Variants in GRIP1 observed in about 807,000 individuals in gnomAD.
GRIP1 encodes the protein glutamate receptor interacting protein 1.
A neutral mutation model predicts 129.9 loss-of-function variants in GRIP1; 45 were observed. The ratio of observed to expected loss-of-function variants is 0.35; its 90% CI spans 0.27 to 0.44. The LOEUF is 0.44. Ranked by LOEUF, GRIP1 falls within the 20% of genes least tolerant of loss-of-function variation. The pLI is 1.00. For missense variants in GRIP1, 1,196 were observed against 1,396.8 expected (o/e 0.86, Z 2.29); for synonymous variants, 530 against 520.8 (o/e 1.02, Z -0.24).
chr12:66,887,187 T>G (rs982537128), intron 1 of GRIP1, among the ~76,000 whole-genome samples: 22 of 152,246 alleles, frequency 1.4e-4, no homozygotes, highest in African/African-American at 3.6e-4. Flanking sequence ...TGGCTTTGCC[T>G]TAGGAGTAAA....
intron 1 of GRIP1, among the ~76,000 whole-genome samples, chr12:66,872,952 G>T (rs1485356488): frequency 2.0e-5 from 3 of 152,080 alleles, no homozygotes. Context: ...AAGAATTGAA[G>T]AGTGACTTAT....
At chr12:66,809,164 G>T (rs531221434), upstream of GRIP1, among the ~76,000 whole-genome samples, 3 of 152,284 alleles carry the variant, frequency 2.0e-5, no homozygotes, top group East Asian at 5.8e-4. Flanking sequence ...GTAGGCAATT[G>T]CCTATATAGC....
At chr12:66,948,748 GAGA>G (rs2041709626) in intron 1 of GRIP1, among the ~76,000 whole-genome samples, 3 of 152,136 alleles carry the variant, frequency 2.0e-5, no homozygotes, top group Non-Finnish European at 4.4e-5. Flanking sequence ...AATGGAAGAA[GAGA>G]AAGAAAAAGG....
At chr12:66,520,701 G>A (rs1233100915) in intron 5 of GRIP1, among the ~76,000 whole-genome samples, 1 of 152,142 alleles carries the variant, frequency 6.6e-6, no homozygotes, top group Admixed American at 6.6e-5. Context: ...GTTGTCTTGA[G>A]GTGGTTGTGC....
At chr12:66,636,093 G>T (rs912988360) in intron 1 of GRIP1, among the ~76,000 whole-genome samples, 1 of 152,146 alleles carries the variant, frequency 6.6e-6, no homozygotes, top group Non-Finnish European at 1.5e-5. Flanking sequence ...AAGGAAGAAA[G>T]TCTTGTCACA....
intron 1 of GRIP1, among the ~76,000 whole-genome samples, chr12:66,833,313 G>A (rs2039551679): frequency 6.6e-6 from 1 of 152,148 alleles, no homozygotes; most frequent in Admixed American, 6.5e-5. Flanking sequence ...GCATGAGGTT[G>A]AATTTGCTTT....
At chr12:66,681,553 T>C (rs1016589230), upstream of GRIP1, among the ~76,000 whole-genome samples, 2 of 152,150 alleles carry the variant, frequency 1.3e-5, no homozygotes, top group African/African-American at 4.8e-5. Context: ...ACCAGATCAA[T>C]GTAAGCATGT....
intron 14 of GRIP1, among the ~76,000 whole-genome samples, chr12:66,422,276 C>T (rs150131337): frequency 6.6e-6 from 1 of 152,292 alleles, no homozygotes; most frequent in Non-Finnish European, 1.5e-5. Context: ...GCTAATGGGA[C>T]TTCATTTAAT....
At chr12:66,398,182 T>C (rs2056864426) in intron 16 of GRIP1, among the ~76,000 whole-genome samples, 1 of 152,198 alleles carries the variant, frequency 6.6e-6, no homozygotes, top group African/African-American at 2.4e-5. Flanking sequence ...CCCACTTCTA[T>C]TTTCACCAAT....
At chr12:66,569,287 G>T (rs2062872873) in intron 2 of GRIP1, 1 of 162,332 alleles carries the variant, frequency 6.2e-6, no homozygotes. Context: ...GACCAGCCTG[G>T]CCAAGACAGT....
At chr12:67,000,189 T>A (rs954868222) in intron 1 of GRIP1, among the ~76,000 whole-genome samples, 1 of 152,184 alleles carries the variant, frequency 6.6e-6, no homozygotes, top group Non-Finnish European at 1.5e-5. Context: ...TCTAGCACAG[T>A]ATTTTATAAA....
chr12:66,754,241 AG>A (rs2037215027), intron 1 of GRIP1, among the ~76,000 whole-genome samples: 1 of 152,228 alleles, frequency 6.6e-6, no homozygotes, highest in African/African-American at 2.4e-5. Context: ...TCTAGCCACA[AG>A]TAACTGAAAA....
At chr12:66,956,505 G>A (rs1045454370) in intron 1 of GRIP1, among the ~76,000 whole-genome samples, 9 of 152,132 alleles carry the variant, frequency 5.9e-5, no homozygotes, top group African/African-American at 2.2e-4. Flanking sequence ...CTAGAAGAGT[G>A]AATCACTAAG....
chr12:66,908,260 G>A (rs200359426), intron 1 of GRIP1, among the ~76,000 whole-genome samples: 6 of 152,206 alleles, frequency 3.9e-5, no homozygotes, highest in South Asian at 4.1e-4. Flanking sequence ...TTTTTGGCAG[G>A]AGGGCAGAAG....
At chr12:66,718,865 A>G (rs1467132002) in intron 1 of GRIP1, among the ~76,000 whole-genome samples, 3 of 152,020 alleles carry the variant, frequency 2.0e-5, no homozygotes, top group Non-Finnish European at 2.9e-5. Context: ...AAAATAAAAT[A>G]AAATAAATAT....
chr12:66,642,118 T>C (rs1037354296), intron 1 of GRIP1, among the ~76,000 whole-genome samples: 2 of 152,200 alleles, frequency 1.3e-5, no homozygotes, highest in Non-Finnish European at 2.9e-5. Flanking sequence ...CAATATAGTG[T>C]TAAATGCCAT....
At chr12:66,420,845 T>G (rs1295293415) in intron 14 of GRIP1, 56 bp from the exon 15 acceptor site, 2 of 945,992 alleles carry the variant, frequency 2.1e-6, no homozygotes, top group African/African-American at 3.2e-5. Context: ...CACCCCTTAC[T>G]GTACATTTCC....
At chr12:66,969,291 T>G (rs1168962582) in intron 1 of GRIP1, among the ~76,000 whole-genome samples, 1 of 152,242 alleles carries the variant, frequency 6.6e-6, no homozygotes, top group Admixed American at 6.5e-5. Flanking sequence ...TCATTATTAC[T>G]TCAAATATTT....
intron 1 of GRIP1, among the ~76,000 whole-genome samples, chr12:66,768,329 T>C (rs1013754034): frequency 1.3e-5 from 2 of 152,206 alleles, no homozygotes; most frequent in African/African-American, 4.8e-5. Context: ...AGTTATATAA[T>C]TGTGGATCAC....
Sources: allele counts gnomAD v4.1 joint callset (sites outside exome capture counted in the v4.1 genomes callset), GRCh38; gene constraint gnomAD v4.1.1; transcripts MANE v1.5; gene names NCBI Gene and HGNC (gene_info 2026-07-23, HGNC 2026-07-21).